Variants in LHX9 observed in about 807,000 individuals in gnomAD.
LHX9 encodes LIM/homeobox protein Lhx9.
In LHX9, 9 loss-of-function variants were observed where a neutral mutation model predicts 36.5. That is an observed-to-expected ratio of 0.25 (90% confidence interval 0.15 to 0.43). The LOEUF (loss-of-function observed/expected upper bound fraction) is 0.43, where lower values mean the gene tolerates loss of function less well. Ranked by LOEUF, LHX9 falls within the 20% of genes least tolerant of loss-of-function variation. The pLI is 1.00. For synonymous variants in LHX9, 211 were observed against 212.1 expected, an observed-to-expected ratio of 0.99 and a Z score of 0.04; for missense variants, 464 against 526.4, an observed-to-expected ratio of 0.88 and a Z score of 1.16.
chr1:197,931,903 CTA>C lies in LHX9; in HGVS notation c.*2646_*2647del, dbSNP rs1201081351. On this transcript the variant is annotated 3_prime_UTR_variant, in exon 5 of 5. Transcript: ENST00000367387. ...TTGCTCTGTAGTTAATAAATTGTCA[CTA>C]TGATTTTTTTCAGGGAGAACAAATC... The C allele has an allele frequency of 1.3e-6, 2 of 1,545,750 alleles. No individual in the cohort carries two copies. Among genetic ancestry groups the C allele is most frequent in the Non-Finnish European group, 1.7e-6 (2 of 1,143,164 alleles).
intron 1 of LHX9, 38 bp from the exon 2 acceptor site, chr1:197,919,934 C>A: frequency 6.9e-6 from 11 of 1,603,530 alleles, no homozygotes; most frequent in Non-Finnish European, 8.5e-6. Context: ...GGCTACACCG[C>A]GCGCCCTCCT....
rs1557979191 is a variant in LHX9 at position 197,932,056 on chromosome 1, C to T, written c.*2797C>T. ...ACACTATTAGGTTATGATAATCATA[C>T]ATTAAAAAATTTATTAAGCCAAAAA... On this transcript the variant is annotated 3_prime_UTR_variant, in exon 5 of 5. Coordinates refer to ENST00000367387, the MANE Select transcript of LHX9 (RefSeq NM_020204.3). 2.2e-6 allele frequency: 2 copies of T among 908,812 alleles called. No homozygotes were observed. Among genetic ancestry groups the T allele is most frequent in the Non-Finnish European group, 1.6e-6 (1 of 615,982 alleles). 56.3% of individuals were successfully genotyped at this position (908,812 alleles called of 1,614,324 possible). A position where few individuals can be genotyped will look rare whatever the true frequency, so the allele number is the denominator to read the frequency against.
rs1660423828 is a variant in LHX9, at chr1:197,935,282, G to A, written c.*6023G>A. On this transcript the variant is annotated 3_prime_UTR_variant, in exon 5 of 5. Coordinates refer to ENST00000367387, the MANE Select transcript of LHX9 (RefSeq NM_020204.3). ...ATAACAAAAAGCAAGCAAGAATAAA[G>A]ATCCAGATATTAGCCATATGTAGAA... The A allele has an allele frequency of 6.6e-6, 1 of 152,152 alleles. No homozygotes were observed. Among genetic ancestry groups the A allele is most frequent in the Non-Finnish European group, 1.5e-5 (1 of 68,016 alleles). The allele number at this position is 152,152 out of a possible 1,614,324, so 9.4% of individuals were successfully genotyped here. A position where few individuals can be genotyped will look rare whatever the true frequency, so the allele number is the denominator to read the frequency against.
intron 3 of LHX9, among the ~76,000 whole-genome samples, chr1:197,923,361 C>T (rs1035048209): frequency 4.6e-5 from 7 of 152,174 alleles, no homozygotes; most frequent in African/African-American, 1.7e-4. Context: ...TGGTTAGGGG[C>T]CACTTTGCCC....
chr1:197,917,399 G>A lies in LHX9; in HGVS notation c.-425G>A. ...TCCCCAACCCAATCTACAGGCACTG[G>A]GAACTTGCAAGCAGCCAGGGAACGC... is the stretch of plus-strand genomic sequence containing the variant. On this transcript the variant is annotated 5_prime_UTR_variant, in exon 1 of 5. Transcript: ENST00000367387. 7.6e-7 allele frequency: 1 copy of A among 1,308,310 alleles called. No individual in the cohort carries two copies. The highest frequency in any genetic ancestry group is 1.0e-6 in the Non-Finnish European group (1 of 991,878). The allele number at this position is 1,308,310 out of a possible 1,614,324, so 81.0% of individuals were successfully genotyped here. A position where few individuals can be genotyped will look rare whatever the true frequency, so the allele number is the denominator to read the frequency against.
chr1:197,919,097 G>T (rs989945737), intron 1 of LHX9, among the ~76,000 whole-genome samples: 1 of 152,222 alleles, frequency 6.6e-6, no homozygotes, highest in African/African-American at 2.4e-5. Context: ...GGAAATGTCC[G>T]GAGGTTAACT....
intron 1 of LHX9, chr1:197,918,801 G>GAT (rs376609330): frequency 3.1e-5 from 2 of 65,094 alleles, no homozygotes; most frequent in African/African-American, 1.0e-4. Flanking sequence ...ACTAACGGGG[G>GAT]GGGGGGGGGA....
At position 197,918,091 on chromosome 1, in the gene LHX9, G is replaced by A. The variant is rs544478215; in HGVS notation, c.174+94G>A. 32 of 1,400,024 alleles carry A rather than the reference G, an allele frequency of 2.3e-5. No homozygotes were observed. In the South Asian group the frequency reaches 4.0e-4, roughly 18 times the overall value. 86.7% of individuals were successfully genotyped at this position (1,400,024 alleles called of 1,614,324 possible). On this transcript the variant is annotated intron_variant, in intron 1 of 4. Coordinates refer to ENST00000367387, the MANE Select transcript of LHX9 (RefSeq NM_020204.3). ...CTGGCCGGTGGAGAACCGGAGCGGC[G>A]GGTCGTAGAGACGTCCGCTTGAGGG...
chr1:197,916,449 G>T, upstream of LHX9: 1 of 560,682 alleles, frequency 1.8e-6, no homozygotes, highest in Non-Finnish European at 3.2e-6. Context: ...CCAGTCCTGC[G>T]GGGGCAGGCG....
At chr1:197,920,426 C>T (rs1659946231) in intron 2 of LHX9, among the ~76,000 whole-genome samples, 1 of 152,174 alleles carries the variant, frequency 6.6e-6, no homozygotes, top group African/African-American at 2.4e-5. Context: ...CACTTCTCAG[C>T]TTGGCTGGCG....
chr1:197,931,795 G>T lies in LHX9; in HGVS notation c.*2536G>T. Reference sequence around the variant, plus strand: ...TTGCATGGAACGAAACCTTAAATATGATTAAGATTTCATGTTAGGTCTATT... The same window carrying T: ...TTGCATGGAACGAAACCTTAAATATTATTAAGATTTCATGTTAGGTCTATT... On this transcript the variant is annotated 3_prime_UTR_variant, in exon 5 of 5. Coordinates refer to ENST00000367387, the MANE Select transcript of LHX9 (RefSeq NM_020204.3). 1.6e-6 allele frequency: 1 copy of T among 626,588 alleles called. No individual in the cohort carries two copies. Among genetic ancestry groups the T allele is most frequent in the South Asian group, 2.5e-5 (1 of 39,616 alleles). The allele number at this position is 626,588 out of a possible 1,614,324, so 38.8% of individuals were successfully genotyped here. A position where few individuals can be genotyped will look rare whatever the true frequency, so the allele number is the denominator to read the frequency against.
At chr1:197,920,522 G>T (rs1659950311) in intron 2 of LHX9, among the ~76,000 whole-genome samples, 1 of 152,108 alleles carries the variant, frequency 6.6e-6, no homozygotes, top group South Asian at 2.1e-4. Context: ...CGCTTGCTAC[G>T]AATTGGGCAA....
intron 3 of LHX9, among the ~76,000 whole-genome samples, chr1:197,926,947 C>A (rs1660160150): frequency 6.6e-6 from 1 of 152,160 alleles, no homozygotes; most frequent in Non-Finnish European, 1.5e-5. Flanking sequence ...AAGAAATTCA[C>A]AAATTTTGAA....
upstream of LHX9, chr1:197,917,362 A>T (rs1367166079): frequency 7.7e-7 from 1 of 1,293,784 alleles, no homozygotes; most frequent in South Asian, 1.3e-5. Flanking sequence ...GACACAGCTC[A>T]GGCAGGAGCA....
rs1159128300 is a variant in LHX9 at position 197,920,170 on chromosome 1, T to C, written c.373T>C (p.Tyr125His). Residue 125 changes from tyrosine to histidine, a missense_variant, in exon 2 of 5, where the codon TAC becomes CAC. Coordinates refer to ENST00000367387, the MANE Select transcript of LHX9 (RefSeq NM_020204.3). ...TAGCATTTACTGCAAGGAGGATTAC[T>C]ACAGGTACTCCCCTACACCCCCACT... ...DGSIYCKEDY[Y>H]RRFSVQRCAR... 3.1e-6 allele frequency: 5 copies of C among 1,613,828 alleles called. No individual in the cohort carries two copies. The Admixed American group carries it at 5.0e-5, about 16-fold the overall frequency.
In LHX9 at chr1:197,929,177, C is replaced by T. The variant is rs1453014364; in HGVS notation, c.1112C>T (p.Thr371Ile). 1 of 1,610,054 alleles carries T rather than the reference C, an allele frequency of 6.2e-7. No individual in the cohort carries two copies. ...ACAGACCTGACCAATCCCACTATCACTGTAGTGACATCCGTGACCTCTAAC... is the reference window on the plus strand; with the variant it reads ...ACAGACCTGACCAATCCCACTATCATTGTAGTGACATCCGTGACCTCTAAC... ...TLTDLTNPTI[T>I]VVTSVTSNMD... Residue 371 changes from threonine to isoleucine, a missense_variant, in exon 5 of 5, where the codon ACT becomes ATT. This residue lies in a region of LHX9 where 102 missense variants were observed against 97.0 expected (regional missense o/e 1.05). Transcript: ENST00000367387.
At position 197,917,573 on chromosome 1, in the gene LHX9, C is replaced by T. The variant is rs1159083008; in HGVS notation, c.-251C>T. The T allele has an allele frequency of 6.7e-7, 1 of 1,493,582 alleles. No homozygotes were observed. The allele number at this position is 1,493,582 out of a possible 1,614,324, so 92.5% of individuals were successfully genotyped here. Reference sequence around the variant, plus strand: ...ATTCGCCTTCTACGCCTCTTTTTCCCTCCGCCCGAATTGTTTGTTTTCTGC... The same window carrying T: ...ATTCGCCTTCTACGCCTCTTTTTCCTTCCGCCCGAATTGTTTGTTTTCTGC... On this transcript the variant is annotated 5_prime_UTR_variant, in exon 1 of 5. Coordinates refer to ENST00000367387, the MANE Select transcript of LHX9 (RefSeq NM_020204.3).
chr1:197,917,345 C>G, upstream of LHX9: 4 of 1,276,426 alleles, frequency 3.1e-6, no homozygotes, highest in Non-Finnish European at 4.1e-6. Context: ...AGTCTCTTAA[C>G]AAATTGGACA....
intron 1 of LHX9, chr1:197,918,507 G>C: frequency 1.6e-6 from 1 of 642,814 alleles, no homozygotes; most frequent in Non-Finnish European, 2.8e-6. Flanking sequence ...CTCGGGGCTT[G>C]GGACCCCTAA....
Sources: allele counts gnomAD v4.1 joint callset (sites outside exome capture counted in the v4.1 genomes callset), GRCh38; gene constraint gnomAD v4.1.1; regional missense constraint gnomAD v4.1.1; transcripts MANE v1.5; gene names NCBI Gene and HGNC (gene_info 2026-07-23, HGNC 2026-07-21).